Variants in CAMK1D observed in about 807,000 individuals in gnomAD.
The protein encoded by CAMK1D is calcium/calmodulin-dependent protein kinase type 1D.
In CAMK1D, 9 loss-of-function variants were observed where a neutral mutation model predicts 47.7. The ratio of observed to expected loss-of-function variants is 0.19; its 90% CI spans 0.11 to 0.33. The LOEUF is 0.33. Among genes scored for constraint, CAMK1D ranks in the 10% least tolerant of loss-of-function variants. CAMK1D has a pLI of 1.00. For missense variants in CAMK1D, 291 were observed against 488.7 expected, an observed-to-expected ratio of 0.60 and a Z score of 3.81; for synonymous variants, 184 against 184.9, an observed-to-expected ratio of 0.99 and a Z score of 0.04.
At chr10:12,592,582 G>A (rs996948545) in intron 2 of CAMK1D, among the ~76,000 whole-genome samples, 3 of 152,140 alleles carry the variant, frequency 2.0e-5, no homozygotes, top group Non-Finnish European at 4.4e-5. Flanking sequence ...TCCAACTGAC[G>A]TTTTCTCAGT....
chr10:12,828,785 G>T lies in CAMK1D; in HGVS notation c.1056G>T (p.Thr352=). Residue 352 remains threonine, a synonymous_variant, in exon 11 of 11, where the codon ACG becomes ACT. Coordinates refer to ENST00000619168, the MANE Select transcript of CAMK1D (RefSeq NM_153498.4). Reference sequence around the variant, plus strand: ...TCCCTGCAGGTCTGGCACCTTCCACGCTCTGTAGTTTCATTTCTTCTTCGT... The same window carrying T: ...TCCCTGCAGGTCTGGCACCTTCCACTCTCTGTAGTTTCATTTCTTCTTCGT... ...ASQKDCLAPS[T]LCSFISSSSG... The T allele has an allele frequency of 6.2e-7, 1 of 1,612,988 alleles. No individual in the cohort carries two copies. The highest frequency in any genetic ancestry group is 1.7e-5 in the Admixed American group (1 of 59,998).
intron 3 of CAMK1D, among the ~76,000 whole-genome samples, chr10:12,723,329 A>T (rs1393540271): frequency 6.6e-6 from 1 of 152,224 alleles, no homozygotes; most frequent in Non-Finnish European, 1.5e-5. Flanking sequence ...CAGATGAGGC[A>T]TCTGCAGCTC....
chr10:12,793,239 T>G (rs1331180806), intron 6 of CAMK1D, among the ~76,000 whole-genome samples: 1 of 152,210 alleles, frequency 6.6e-6, no homozygotes, highest in Non-Finnish European at 1.5e-5. Context: ...CTGGGGAAAG[T>G]AGCCCTTTTT....
At chr10:12,805,825 G>T (rs1323415948) in intron 6 of CAMK1D, among the ~76,000 whole-genome samples, 2 of 152,218 alleles carry the variant, frequency 1.3e-5, no homozygotes, top group Non-Finnish European at 2.9e-5. Context: ...GCCACCTTTT[G>T]CTGAGCACAT....
At chr10:12,598,073 A>G (rs780569064) in intron 2 of CAMK1D, among the ~76,000 whole-genome samples, 24 of 152,242 alleles carry the variant, frequency 1.6e-4, no homozygotes, top group Admixed American at 1.2e-3. Flanking sequence ...ACATCCTCCT[A>G]TGCAAGCACT....
chr10:12,773,466 T>G (rs1837134332), intron 5 of CAMK1D, among the ~76,000 whole-genome samples: 1 of 152,248 alleles, frequency 6.6e-6, no homozygotes, highest in African/African-American at 2.4e-5. Flanking sequence ...ATGTAAATGC[T>G]GTGGAAATAG....
At chr10:12,446,931 T>TAGGGA (rs1261241528) in intron 1 of CAMK1D, among the ~76,000 whole-genome samples, 1 of 152,196 alleles carries the variant, frequency 6.6e-6, no homozygotes, top group East Asian at 1.9e-4. Context: ...GGGCTAAATG[T>TAGGGA]AGGGAAGGGA....
intron 1 of CAMK1D, among the ~76,000 whole-genome samples, chr10:12,453,351 G>C (rs564765922): frequency 6.6e-6 from 1 of 151,898 alleles, no homozygotes; most frequent in Admixed American, 6.6e-5. Context: ...CACCACGCCC[G>C]GCTAATTGTT....
At chr10:12,504,416 C>T (rs915943596) in intron 1 of CAMK1D, among the ~76,000 whole-genome samples, 1 of 152,160 alleles carries the variant, frequency 6.6e-6, no homozygotes, top group African/African-American at 2.4e-5. Context: ...GGTCAGGCGG[C>T]GATGGGTAGC....
At chr10:12,701,024 T>A (rs1313365565) in intron 3 of CAMK1D, among the ~76,000 whole-genome samples, 8 of 152,226 alleles carry the variant, frequency 5.3e-5, no homozygotes, top group Non-Finnish European at 8.8e-5. Context: ...AGGGGCTGGA[T>A]CCAAGCTGTT....
At chr10:12,827,311 C>CT (rs1554831745) in intron 10 of CAMK1D, among the ~76,000 whole-genome samples, 32,851 of 122,964 alleles carry the variant, frequency 0.27, 4,779 homozygotes, top group South Asian at 0.41. Context: ...CTCTCTTTTT[C>CT]TTTTCTTTCT....
intron 3 of CAMK1D, among the ~76,000 whole-genome samples, chr10:12,751,073 TAA>T (rs1564535371): frequency 1.8e-4 from 7 of 38,222 alleles, no homozygotes; most frequent in Non-Finnish European, 3.3e-4. Context: ...TAAGATAAGA[TAA>T]GATAAGATAA....
chr10:12,662,248 A>G (rs1177254899), intron 2 of CAMK1D, among the ~76,000 whole-genome samples: 1 of 152,258 alleles, frequency 6.6e-6, no homozygotes, highest in Non-Finnish European at 1.5e-5. Flanking sequence ...GAGTCAATCA[A>G]CATTCAGAAC....
At chr10:12,512,031 T>C (rs1345481127) in intron 1 of CAMK1D, among the ~76,000 whole-genome samples, 2 of 152,152 alleles carry the variant, frequency 1.3e-5, no homozygotes, top group Admixed American at 6.5e-5. Flanking sequence ...CATAGAGTTG[T>C]TGGAAAGGTG....
chr10:12,424,391 A>C (rs921800294), intron 1 of CAMK1D, among the ~76,000 whole-genome samples: 3 of 151,536 alleles, frequency 2.0e-5, no homozygotes, highest in African/African-American at 7.3e-5. Context: ...CCCCTTTTCT[A>C]ATCCCTCCTC....
At chr10:12,439,781 G>A (rs148310321) in intron 1 of CAMK1D, among the ~76,000 whole-genome samples, 5 of 152,352 alleles carry the variant, frequency 3.3e-5, no homozygotes, top group African/African-American at 1.2e-4. Flanking sequence ...TGCTGATGAA[G>A]ACATACCCGA....
intron 1 of CAMK1D, among the ~76,000 whole-genome samples, chr10:12,375,041 C>A (rs1302239561): frequency 6.6e-6 from 1 of 151,938 alleles, no homozygotes; most frequent in African/African-American, 2.4e-5. Flanking sequence ...AAGTGATTCT[C>A]CCACCTCGGC....
chr10:12,700,236 G>A (rs1187788674), intron 3 of CAMK1D, among the ~76,000 whole-genome samples: 2 of 152,168 alleles, frequency 1.3e-5, no homozygotes, highest in African/African-American at 4.8e-5. Flanking sequence ...AATTTATAAA[G>A]GAAAGAGGTT....
At chr10:12,811,474 T>C (rs764175909) in intron 6 of CAMK1D, among the ~76,000 whole-genome samples, 6 of 152,244 alleles carry the variant, frequency 3.9e-5, no homozygotes, top group Non-Finnish European at 7.3e-5. Flanking sequence ...ATCCTTACTT[T>C]TAAATCTTTT....
Sources: allele counts gnomAD v4.1 joint callset (sites outside exome capture counted in the v4.1 genomes callset), GRCh38; gene constraint gnomAD v4.1.1; transcripts MANE v1.5; gene names NCBI Gene and HGNC (gene_info 2026-07-23, HGNC 2026-07-21).